Variants in ZFHX4 observed in about 807,000 individuals in gnomAD.
ZFHX4 encodes the protein zinc finger homeobox 4, also known as zinc finger homeobox protein 4.
Under a neutral mutation model 267.6 loss-of-function variants are expected in ZFHX4, and 56 were observed. The observed-to-expected ratio is 0.21, with a 90% CI of 0.17 to 0.26. ZFHX4 has a LOEUF of 0.26. Ranked by LOEUF, ZFHX4 falls within the 10% of genes least tolerant of loss-of-function variation. The probability of loss-of-function intolerance (pLI) is 1.00; values close to 1 mark genes in which losing one functional copy is unlikely to be tolerated. For missense variants in ZFHX4, 4,332 were observed against 4,420.0 expected, an observed-to-expected ratio of 0.98 and a Z score of 0.56; for synonymous variants, 1,778 against 1,665.6, an observed-to-expected ratio of 1.07 and a Z score of -1.64.
At chr8:76,697,652 T>G (rs773372194) in intron 1 of ZFHX4, among the ~76,000 whole-genome samples, 31 of 151,958 alleles carry the variant, frequency 2.0e-4, no homozygotes, top group Non-Finnish European at 3.8e-4. Flanking sequence ...TGGTAGAAAT[T>G]GAGGGAGGGG....
At chr8:76,794,310 A>G (rs1211549072) in intron 4 of ZFHX4, among the ~76,000 whole-genome samples, 1 of 152,120 alleles carries the variant, frequency 6.6e-6, no homozygotes, top group Admixed American at 6.6e-5. Flanking sequence ...TTCAGCTGAA[A>G]ATGGACAACG....
At chr8:76,747,876 G>A (rs1253338796) in intron 3 of ZFHX4, among the ~76,000 whole-genome samples, 1 of 152,108 alleles carries the variant, frequency 6.6e-6, no homozygotes, top group Admixed American at 6.6e-5. Flanking sequence ...AGGTTGCAGT[G>A]AGCCGAGATT....
At chr8:76,803,926 C>T (rs1811182485) in intron 4 of ZFHX4, among the ~76,000 whole-genome samples, 1 of 151,926 alleles carries the variant, frequency 6.6e-6, no homozygotes. Flanking sequence ...GTGATTTGCC[C>T]TAGATTTTGA....
chr8:76,682,488 G>T (rs1444038352), intron 1 of ZFHX4: 1 of 152,414 alleles, frequency 6.6e-6, no homozygotes, highest in Non-Finnish European at 1.5e-5. Flanking sequence ...GCGCGGGCGC[G>T]GGCGCCGCGG....
At chr8:76,797,430 C>T (rs912710124) in intron 4 of ZFHX4, among the ~76,000 whole-genome samples, 6 of 152,158 alleles carry the variant, frequency 3.9e-5, no homozygotes, top group Non-Finnish European at 5.9e-5. Context: ...CTGTTCTACA[C>T]TGGAGCCTCT....
At chr8:76,831,265 T>G (rs1369097435) in intron 4 of ZFHX4, among the ~76,000 whole-genome samples, 1 of 152,214 alleles carries the variant, frequency 6.6e-6, no homozygotes, top group Non-Finnish European at 1.5e-5. Context: ...TAGGTACTAC[T>G]GACATTCATT....
At chr8:76,805,788 T>A (rs1049798926) in intron 4 of ZFHX4, among the ~76,000 whole-genome samples, 2 of 152,018 alleles carry the variant, frequency 1.3e-5, no homozygotes, top group Non-Finnish European at 2.9e-5. Flanking sequence ...TTTGTGTCCA[T>A]CTTAGCCATG....
intron 1 of ZFHX4, among the ~76,000 whole-genome samples, chr8:76,685,632 A>G (rs1807674347): frequency 6.6e-6 from 1 of 152,206 alleles, no homozygotes; most frequent in Non-Finnish European, 1.5e-5. Context: ...AATCAATTGA[A>G]GCTTCTTTCT....
rs1375708553 is a variant in ZFHX4, at chr8:76,706,186, C to T, written c.2098C>T (p.Arg700Cys). The stretch of plus-strand genomic sequence containing the variant: ...TTACACGTGTGGCTATAAACCCTTC[C>T]GTTGTGAGGTTTGTAACTACTCTAC... ...ESYTCGYKPF[R>C]CEVCNYSTTT... Residue 700 changes from arginine (R) to cysteine (C), a missense_variant, in exon 2 of 11, where the codon CGT (arginine) becomes TGT (cysteine). Arg to Cys is a radical substitution (Grantham distance 180). Coordinates refer to ENST00000651372, the MANE Select transcript of ZFHX4 (RefSeq NM_024721.5). 9.9e-6 allele frequency: 16 copies of T among 1,613,868 alleles called. No individual in the cohort carries two copies. Among genetic ancestry groups the T allele is most frequent in the Non-Finnish European group, 1.4e-5 (16 of 1,179,994 alleles).
At chr8:76,693,707 G>C (rs933983564) in intron 1 of ZFHX4, among the ~76,000 whole-genome samples, 2 of 152,216 alleles carry the variant, frequency 1.3e-5, no homozygotes, top group Non-Finnish European at 2.9e-5. Flanking sequence ...AAGGTAAACT[G>C]TTAGAGATAG....
At chr8:76,782,125 G>A in intron 4 of ZFHX4, 1 of 54,346 alleles carries the variant, frequency 1.8e-5, no homozygotes, top group Non-Finnish European at 3.6e-5. Context: ...TTTTTTTTTT[G>A]CCTATTGTTT....
rs779278821 is a variant in ZFHX4 at position 76,863,722 on chromosome 8, A to G, written c.10008A>G (p.Gln3336=). Residue 3336 remains glutamine, a synonymous_variant, in exon 11 of 11, where the codon CAA becomes CAG. Coordinates refer to ENST00000651372, the MANE Select transcript of ZFHX4 (RefSeq NM_024721.5). ...AGTCCCTGCAAAAGCAGCAAAAGCA[A>G]CAGCAAGAACAGCAGCAGAAACCAG... ...LQESLQKQQK[Q]QQEQQQKPVQ... 6.4e-7 allele frequency: 1 copy of G among 1,559,942 alleles called. No individual in the cohort carries two copies.
intron 4 of ZFHX4, among the ~76,000 whole-genome samples, chr8:76,781,833 G>A (rs765398495): frequency 6.6e-5 from 10 of 151,966 alleles, no homozygotes; most frequent in African/African-American, 1.2e-4. Context: ...GGCTGGGAGC[G>A]AAAGTTTCAG....
At chr8:76,777,782 A>C (rs1810436661) in intron 3 of ZFHX4, among the ~76,000 whole-genome samples, 1 of 151,976 alleles carries the variant, frequency 6.6e-6, no homozygotes, top group African/African-American at 2.4e-5. Context: ...AACTATGTTT[A>C]GCATTTAAAC....
intron 4 of ZFHX4, among the ~76,000 whole-genome samples, chr8:76,817,446 A>C (rs766578874): frequency 9.8e-5 from 15 of 152,308 alleles, no homozygotes; most frequent in Middle Eastern, 3.4e-3. Flanking sequence ...CCTCTCAGCC[A>C]GATCTTCCTT....
intron 3 of ZFHX4, among the ~76,000 whole-genome samples, chr8:76,715,639 G>A (rs1251062068): frequency 6.6e-6 from 1 of 151,932 alleles, no homozygotes; most frequent in Non-Finnish European, 1.5e-5. Context: ...ACTGCTTAAA[G>A]ATACATTATT....
chr8:76,849,834 G>A (rs372270898), intron 8 of ZFHX4, 122 bp downstream of exon 8: 5 of 1,117,072 alleles, frequency 4.5e-6, no homozygotes, highest in Non-Finnish European at 6.4e-6. Flanking sequence ...CTCTGTTATT[G>A]CTCGTGTTAT....
intron 3 of ZFHX4, among the ~76,000 whole-genome samples, chr8:76,750,763 C>T (rs1010851898): frequency 1.2e-4 from 18 of 152,026 alleles, no homozygotes; most frequent in Non-Finnish European, 2.4e-4. Context: ...AAATCAGTGG[C>T]AGTACTGGGG....
At chr8:76,700,009 G>A (rs1808061178) in intron 1 of ZFHX4, among the ~76,000 whole-genome samples, 1 of 151,904 alleles carries the variant, frequency 6.6e-6, no homozygotes. Flanking sequence ...CCTCTCTTTT[G>A]TCTTTGCCTA....
Sources: gnomAD v4.1 joint callset for allele counts (sites outside exome capture counted in the v4.1 genomes callset) on GRCh38, gnomAD v4.1.1 for gene constraint, MANE v1.5 for transcripts, NCBI Gene and HGNC (gene_info 2026-07-23, HGNC 2026-07-21) for gene names.